Variants in AGAP1 observed in about 807,000 individuals in gnomAD.
The protein encoded by AGAP1 is ArfGAP with GTPase domain, ankyrin repeat and PH domain 1.
AGAP1 carries 29 observed loss-of-function variants against 105.3 expected under a neutral mutation model. The ratio of observed to expected loss-of-function variants is 0.28; its 90% CI spans 0.21 to 0.38. The LOEUF is 0.38. Ranked by LOEUF, AGAP1 falls within the 10% of genes least tolerant of loss-of-function variation. The pLI, the probability that AGAP1 is intolerant of heterozygous loss-of-function variation, is 1.00. For missense variants in AGAP1, 998 were observed against 1,165.1 expected (o/e 0.86, Z 2.09); for synonymous variants, 509 against 485.9 (o/e 1.05, Z -0.63).
In AGAP1 at chr2:235,694,741, C is replaced by T. The variant is rs192312765; in HGVS notation, c.164-14438C>T. Among the ~76,000 whole-genome samples, 175 of 152,292 alleles carry T rather than the reference C, an allele frequency of 1.1e-3. 1 individual carries two copies. The South Asian group carries it at 0.013, about 11-fold the overall frequency. On this transcript the variant is annotated intron_variant, in intron 1 of 17. Coordinates refer to ENST00000304032, the MANE Select transcript of AGAP1 (RefSeq NM_001037131.3). ...GCTCAGGCATCTCCTGGGCACCTTT[C>T]GGGGCAAGTCCTGCTGTCACTGCAC...
chr2:235,671,107 C>CT, intron 1 of AGAP1: 2 of 1,245,776 alleles, frequency 1.6e-6, no homozygotes, highest in Non-Finnish European at 2.0e-6. Context: ...GTGGTGGGGA[C>CT]TTGCCGGTTC....
chr2:235,505,172 A>G (rs983105361), intron 1 of AGAP1, among the ~76,000 whole-genome samples: 1 of 152,248 alleles, frequency 6.6e-6, no homozygotes, highest in African/African-American at 2.4e-5. Context: ...TATGGCCTTC[A>G]TAGTTACGTA....
At chr2:235,969,447 A>G (rs1053285138) in intron 13 of AGAP1, among the ~76,000 whole-genome samples, 6 of 152,178 alleles carry the variant, frequency 3.9e-5, no homozygotes, top group African/African-American at 9.7e-5. Flanking sequence ...GAGACCGACA[A>G]TGGTGAGAGA....
In AGAP1 at chr2:236,087,074, G is replaced by A. The variant is rs987935645; in HGVS notation, c.2115-33118G>A. ...AGTAAATGAAGGAAACAAAGGCCTCGCAGCAGGAGCAGAAGGGACACACAC... is the reference window on the plus strand; with the variant it reads ...AGTAAATGAAGGAAACAAAGGCCTCACAGCAGGAGCAGAAGGGACACACAC... On this transcript the variant is annotated intron_variant, in intron 16 of 17. Transcript: ENST00000304032. This position sits in a 1 kb window ranked among gnomAD's most constrained non-coding sequence, Gnocchi z 5.7. Among the ~76,000 whole-genome samples the A allele has an allele frequency of 6.6e-6, 1 of 152,102 alleles. No individual in the cohort carries two copies. Among genetic ancestry groups the A allele is most frequent in the African/African-American group, 2.4e-5 (1 of 41,416 alleles).
At chr2:236,065,548 T>C (rs2058323827) in intron 16 of AGAP1, among the ~76,000 whole-genome samples, 1 of 152,180 alleles carries the variant, frequency 6.6e-6, no homozygotes, top group South Asian at 2.1e-4. Flanking sequence ...GGCCAGCCTG[T>C]GGACAGTTGG....
intron 1 of AGAP1, chr2:235,670,334 G>A: frequency 2.1e-6 from 1 of 487,202 alleles, no homozygotes; most frequent in Admixed American, 3.7e-5. Flanking sequence ...GGCGGAGGGC[G>A]CCGAGGAACC....
At chr2:235,955,845 G>T (rs918881404) in intron 12 of AGAP1, among the ~76,000 whole-genome samples, 1 of 152,128 alleles carries the variant, frequency 6.6e-6, no homozygotes, top group African/African-American at 2.4e-5. Flanking sequence ...GAGTGAAGTG[G>T]CCAGGTGCAT....
chr2:235,944,106 G>A (rs939611488), intron 12 of AGAP1, among the ~76,000 whole-genome samples: 6 of 152,030 alleles, frequency 3.9e-5, no homozygotes, highest in South Asian at 2.1e-4. Context: ...TTTCTGCAGC[G>A]GGATTTTTAA....
chr2:236,043,833 T>A lies in AGAP1; in HGVS notation c.1891+2992T>A, dbSNP rs544789917. 3.0e-4 allele frequency among the ~76,000 whole-genome samples: 46 copies of A among 152,246 alleles called. 1 individual carries two copies. Among genetic ancestry groups the A allele is most frequent in the African/African-American group, 1.0e-3 (42 of 41,540 alleles). On this transcript the variant is annotated intron_variant, in intron 15 of 17. Coordinates refer to ENST00000304032, the MANE Select transcript of AGAP1 (RefSeq NM_001037131.3). ...GAGTCTAGATGAACCTAACGAGTAT[T>A]TACAGGTATTTAGAGGGGAAAGATC...
chr2:235,847,063 C>T (rs1961583013), intron 9 of AGAP1, among the ~76,000 whole-genome samples: 1 of 152,154 alleles, frequency 6.6e-6, no homozygotes, highest in South Asian at 2.1e-4. Context: ...CAGAGGCCAC[C>T]GTGGCAGTCA....
chr2:236,036,444 G>T lies in AGAP1; in HGVS notation c.1646-117G>T. 1 of 1,357,026 alleles carries T rather than the reference G, an allele frequency of 7.4e-7. No homozygotes were observed. The allele number at this position is 1,357,026 out of a possible 1,614,324, so 84.1% of individuals were successfully genotyped here. A position where few individuals can be genotyped will look rare whatever the true frequency, so the allele number is the denominator to read the frequency against. On this transcript the variant is annotated intron_variant, in intron 13 of 17. Coordinates refer to ENST00000304032, the MANE Select transcript of AGAP1 (RefSeq NM_001037131.3). This position sits in a 1 kb window ranked among gnomAD's most constrained non-coding sequence, Gnocchi z 5.7. ...CCGCCGTGGTTGTCCAGTGCCGTGC[G>T]CCTCACCGGTCCATGCAGGGGCAGC...
rs890146667 is a variant in AGAP1, at chr2:235,553,515, T to A, written c.163+58666T>A. On this transcript the variant is annotated intron_variant, in intron 1 of 17. Coordinates refer to ENST00000304032, the MANE Select transcript of AGAP1 (RefSeq NM_001037131.3). This position sits in a 1 kb window ranked among gnomAD's most constrained non-coding sequence, Gnocchi z 4.5. ...TGGTGAGTAGTTAGTAAACAATTGC[T>A]TCTGCTAGAATCATCATTGTCAATA... 6.6e-6 allele frequency among the ~76,000 whole-genome samples: 1 copy of A among 152,180 alleles called. No individual in the cohort carries two copies. The highest frequency in any genetic ancestry group is 1.5e-5 in the Non-Finnish European group (1 of 68,024).
At chr2:235,940,406 A>C (rs919408658) in intron 12 of AGAP1, among the ~76,000 whole-genome samples, 1 of 152,104 alleles carries the variant, frequency 6.6e-6, no homozygotes, top group African/African-American at 2.4e-5. Context: ...AGTGGAATAG[A>C]TTCCCAATTC....
rs1952040535 is a variant in AGAP1 at position 235,733,051 on chromosome 2, C to T, written c.311-7912C>T. 2.6e-5 allele frequency among the ~76,000 whole-genome samples: 4 copies of T among 152,188 alleles called. No homozygotes were observed. On this transcript the variant is annotated intron_variant, in intron 3 of 17. Coordinates refer to ENST00000304032, the MANE Select transcript of AGAP1 (RefSeq NM_001037131.3). The surrounding 1 kb of genome is among the most constrained non-coding windows in gnomAD (Gnocchi z 5.0). ...CCGTCTAGTTGGAGGGAGCTGCCTC[C>T]CGTTGAAAGAGTCTGCCCTTCTTTA...
In AGAP1 at chr2:236,012,727, C is replaced by T. The variant is rs116418154; in HGVS notation, c.1646-23834C>T. Among the ~76,000 whole-genome samples the T allele has an allele frequency of 7.7e-3, 1,165 of 151,964 alleles. 11 individuals carry two copies. Among genetic ancestry groups the T allele is most frequent in the African/African-American group, 0.026 (1,070 of 41,394 alleles). On this transcript the variant is annotated intron_variant, in intron 13 of 17. Coordinates refer to ENST00000304032, the MANE Select transcript of AGAP1 (RefSeq NM_001037131.3). This position sits in a 1 kb window ranked among gnomAD's most constrained non-coding sequence, Gnocchi z 4.9. ...AATGTAGACCCGTATCCTTTAACAC[C>T]GCAGATGCCTGCTAGTTTAGAGGTT...
At chr2:236,093,695 A>G (rs900917317) in intron 16 of AGAP1, among the ~76,000 whole-genome samples, 2 of 152,180 alleles carry the variant, frequency 1.3e-5, no homozygotes, top group African/African-American at 4.8e-5. Context: ...AAAACTGAAT[A>G]TGGACCACAT....
At chr2:235,764,431 A>T (rs1335268316) in intron 6 of AGAP1, among the ~76,000 whole-genome samples, 1 of 152,088 alleles carries the variant, frequency 6.6e-6, no homozygotes, top group Non-Finnish European at 1.5e-5. Flanking sequence ...GATCTTGGTC[A>T]CGTAGATCCA....
At chr2:235,790,071 G>A (rs1956881956) in intron 6 of AGAP1, among the ~76,000 whole-genome samples, 1 of 152,082 alleles carries the variant, frequency 6.6e-6, no homozygotes, top group Admixed American at 6.6e-5. Context: ...CGGTAGATTT[G>A]GGGTGAATAG....
At chr2:235,501,192 C>T (rs549645444) in intron 1 of AGAP1, among the ~76,000 whole-genome samples, 12 of 152,302 alleles carry the variant, frequency 7.9e-5, no homozygotes, top group African/African-American at 2.6e-4. Flanking sequence ...CAGTGGGCTG[C>T]GTTTCTGCGA....
Sources: gnomAD v4.1 joint callset for allele counts (sites outside exome capture counted in the v4.1 genomes callset) on GRCh38, gnomAD v4.1.1 for gene constraint, Gnocchi (gnomAD v3.1) non-coding constraint, MANE v1.5 for transcripts, NCBI Gene and HGNC (gene_info 2026-07-23, HGNC 2026-07-21) for gene names.